Variants in GALNT2 observed in about 807,000 individuals in gnomAD.
GALNT2 encodes UDP-GalNAc:polypeptide N-acetylgalactosaminyltransferase 2.
A neutral mutation model predicts 81.4 loss-of-function variants in GALNT2; 31 were observed. The observed-to-expected ratio is 0.38, with a 90% CI of 0.29 to 0.51. The LOEUF (loss-of-function observed/expected upper bound fraction) is 0.51, where lower values mean the gene tolerates loss of function less well. Among genes scored for constraint, GALNT2 ranks in the 20% least tolerant of loss-of-function variants. GALNT2 has a pLI of 0.87. For synonymous variants in GALNT2, 303 were observed against 287.4 expected (o/e 1.05, Z -0.55); for missense variants, 629 against 765.7 (o/e 0.82, Z 2.11).
intron 8 of GALNT2, among the ~76,000 whole-genome samples, 161 bp downstream of exon 8, chr1:230,246,311 T>C (rs533075257): frequency 1.5e-4 from 23 of 152,098 alleles, no homozygotes; most frequent in African/African-American, 5.5e-4. Flanking sequence ...TAGGACTTCA[T>C]AAAGAGAAAA....
chr1:230,179,461 T>G (rs1385066700), intron 2 of GALNT2, among the ~76,000 whole-genome samples: 1 of 152,244 alleles, frequency 6.6e-6, no homozygotes, highest in Non-Finnish European at 1.5e-5. Flanking sequence ...TCACCAGCAT[T>G]TGGTGTTGCC....
At chr1:230,121,315 C>G (rs530760409) in intron 1 of GALNT2, among the ~76,000 whole-genome samples, 2 of 152,214 alleles carry the variant, frequency 1.3e-5, no homozygotes, top group African/African-American at 2.4e-5. Flanking sequence ...GTCTTAGTCC[C>G]GTGGCGGGCG....
intron 2 of GALNT2, among the ~76,000 whole-genome samples, chr1:230,201,684 C>G (rs1655656812): frequency 6.6e-6 from 1 of 152,198 alleles, no homozygotes; most frequent in African/African-American, 2.4e-5. Context: ...CTGCCTTCCC[C>G]TCTCCAACCT....
At chr1:230,109,068 T>C (rs1046218052) in intron 1 of GALNT2, among the ~76,000 whole-genome samples, 49 of 152,368 alleles carry the variant, frequency 3.2e-4, no homozygotes, top group African/African-American at 1.2e-3. Flanking sequence ...ACTATCCTAC[T>C]CTTCTCTATC....
At chr1:230,233,938 C>T (rs144369855) in intron 3 of GALNT2, among the ~76,000 whole-genome samples, 131 of 151,398 alleles carry the variant, frequency 8.7e-4, no homozygotes, top group African/African-American at 3.0e-3. Flanking sequence ...AGACAATAGC[C>T]GGGAACAAAT....
At position 230,255,510 on chromosome 1, in the gene GALNT2, C is replaced by T. The variant is rs41304127; in HGVS notation, c.1136+166C>T. ...AGGCGCATTCCACGGATGCAGGATA[C>T]AACCTGGGCGCCTTTCCAGGGCATG... is the stretch of plus-strand genomic sequence containing the variant. On this transcript the variant is annotated intron_variant, in intron 11 of 15. Coordinates refer to ENST00000366672, the MANE Select transcript of GALNT2 (RefSeq NM_004481.5). The T allele has an allele frequency of 0.021, 18,535 of 893,968 alleles. 1,227 individuals carry two copies. The East Asian group carries it at 0.21, about 10-fold the overall frequency. The allele number at this position is 893,968 out of a possible 1,614,324, so 55.4% of individuals were successfully genotyped here.
intron 14 of GALNT2, among the ~76,000 whole-genome samples, chr1:230,270,728 T>G (rs1272671138): frequency 6.6e-6 from 1 of 151,836 alleles, no homozygotes; most frequent in African/African-American, 2.4e-5. Context: ...TTTGGAAGAG[T>G]GAGGTTTGTT....
At chr1:230,071,440 A>C (rs1659372060) in intron 1 of GALNT2, among the ~76,000 whole-genome samples, 1 of 152,174 alleles carries the variant, frequency 6.6e-6, no homozygotes, top group Non-Finnish European at 1.5e-5. Context: ...GTAGTGTCCA[A>C]CAGTGGACAG....
intron 2 of GALNT2, among the ~76,000 whole-genome samples, chr1:230,189,351 G>A (rs74143120): frequency 0.06 from 9,145 of 152,196 alleles, 547 homozygotes; most frequent in African/African-American, 0.15. Flanking sequence ...TGTTGGTTCA[G>A]TTACCCCAGA....
chr1:230,117,474 A>G (rs1339353894), intron 1 of GALNT2, among the ~76,000 whole-genome samples: 2 of 152,190 alleles, frequency 1.3e-5, no homozygotes, highest in African/African-American at 4.8e-5. Context: ...AAGGTGAGAG[A>G]TGTGCCGCTC....
intron 3 of GALNT2, among the ~76,000 whole-genome samples, chr1:230,206,019 A>G (rs1664047907): frequency 6.6e-6 from 1 of 152,180 alleles, no homozygotes; most frequent in Non-Finnish European, 1.5e-5. Flanking sequence ...AGTCTAGCAG[A>G]ATCTAGTGCA....
rs1420629081 is a variant in GALNT2 at position 230,142,163 on chromosome 1, G to T, written c.127-36055G>T. On this transcript the variant is annotated intron_variant, in intron 1 of 15. Transcript: ENST00000366672. ...TGGGATTAGGACCTCCTGTGGAGGT[G>T]GGGGGAGGGTGGGGAAGGAGAACGG... Among the ~76,000 whole-genome samples, 2 of 152,080 alleles carry T rather than the reference G, an allele frequency of 1.3e-5. 1 individual carries two copies. The highest frequency in any genetic ancestry group is 4.2e-4 in the South Asian group (2 of 4,818).
chr1:230,069,959 A>G (rs1231173283), intron 1 of GALNT2, among the ~76,000 whole-genome samples: 5 of 152,190 alleles, frequency 3.3e-5, no homozygotes, highest in Non-Finnish European at 5.9e-5. Context: ...GGGGAGTCCA[A>G]CTAGGATTTC....
intron 11 of GALNT2, among the ~76,000 whole-genome samples, chr1:230,260,271 T>C (rs535845075): frequency 6.6e-6 from 1 of 152,314 alleles, no homozygotes; most frequent in African/African-American, 2.4e-5. Flanking sequence ...TGAGTCTCCC[T>C]CGGTGCCACT....
In GALNT2 at chr1:230,277,472, G is replaced by A. The variant is rs144172466; in HGVS notation, c.1561-1831G>A. Reference sequence around the variant, plus strand: ...ATTCCTGGCTGCTCAGAGTAACAGGGCAGCCTCAATACATACACACTTTAC... The same window carrying A: ...ATTCCTGGCTGCTCAGAGTAACAGGACAGCCTCAATACATACACACTTTAC... On this transcript the variant is annotated intron_variant, in intron 15 of 15. Coordinates refer to ENST00000366672, the MANE Select transcript of GALNT2 (RefSeq NM_004481.5). Among the ~76,000 whole-genome samples, 454 of 152,316 alleles carry A rather than the reference G, an allele frequency of 3.0e-3. 2 individuals carry two copies. Among genetic ancestry groups the A allele is most frequent in the African/African-American group, 0.01 (430 of 41,556 alleles).
chr1:230,146,913 C>T (rs903990752), intron 1 of GALNT2, among the ~76,000 whole-genome samples: 19 of 152,124 alleles, frequency 1.2e-4, no homozygotes, highest in Admixed American at 3.9e-4. Context: ...AGCTGGCTAC[C>T]GCCTGCACTG....
At chr1:230,163,979 C>T (rs1290110632) in intron 1 of GALNT2, among the ~76,000 whole-genome samples, 1 of 152,174 alleles carries the variant, frequency 6.6e-6, no homozygotes, top group African/African-American at 2.4e-5. Flanking sequence ...TGATGTGACA[C>T]TGGATACACT....
chr1:230,253,979 A>T (rs990637586), intron 10 of GALNT2, among the ~76,000 whole-genome samples: 2 of 152,200 alleles, frequency 1.3e-5, no homozygotes, highest in Non-Finnish European at 2.9e-5. Flanking sequence ...CAGAAAAAAA[A>T]AATGAAGTCC....
Position 230,280,269 on chromosome 1 carries a change from G to T in GALNT2, c.*811G>T, listed in dbSNP as rs1666401285. On this transcript the variant is annotated 3_prime_UTR_variant, in exon 16 of 16. Transcript: ENST00000366672. ...TGCTACTGCTGTGGCCAGCTGGGGG[G>T]CTTCCTCCAGACCACCGGCCTCGGC... 3.1e-6 allele frequency: 1 copy of T among 319,162 alleles called. No individual in the cohort carries two copies. 19.8% of individuals were successfully genotyped at this position (319,162 alleles called of 1,614,324 possible).
Sources: allele counts gnomAD v4.1 joint callset (sites outside exome capture counted in the v4.1 genomes callset), GRCh38; gene constraint gnomAD v4.1.1; transcripts MANE v1.5; gene names NCBI Gene and HGNC (gene_info 2026-07-23, HGNC 2026-07-21).